MCTP2: variants seen among roughly 807,000 people sequenced by gnomAD.
MCTP2 encodes the protein multiple C2 and transmembrane domain-containing protein 2.
A neutral mutation model predicts 111.6 loss-of-function variants in MCTP2; 132 were observed. The observed-to-expected ratio is 1.18, with a 90% CI of 1.03 to 1.37. The LOEUF (loss-of-function observed/expected upper bound fraction) is 1.37. Among genes scored for constraint, MCTP2 ranks in the 40% most tolerant of loss-of-function variants. The probability of loss-of-function intolerance (pLI) is 0.00; values close to 1 mark genes in which losing one functional copy is unlikely to be tolerated. For missense variants in MCTP2, 1,183 were observed against 1,067.9 expected, an observed-to-expected ratio of 1.11 and a Z score of -1.50; for synonymous variants, 395 against 387.7, an observed-to-expected ratio of 1.02 and a Z score of -0.22.
chr15:94,439,808 A>G (rs1303399508), intron 17 of MCTP2, among the ~76,000 whole-genome samples: 2 of 152,204 alleles, frequency 1.3e-5, no homozygotes, highest in African/African-American at 4.8e-5. Context: ...GCCAACTGAA[A>G]AAGTAGTGGC....
At chr15:94,269,157 G>A (rs1596232065) in intron 1 of MCTP2, among the ~76,000 whole-genome samples, 1 of 152,144 alleles carries the variant, frequency 6.6e-6, no homozygotes, top group East Asian at 1.9e-4. Flanking sequence ...AGTATCTCGT[G>A]TTGACACACT....
intron 17 of MCTP2, among the ~76,000 whole-genome samples, chr15:94,404,132 G>A (rs185261929): frequency 1.5e-3 from 233 of 152,204 alleles, no homozygotes; most frequent in Non-Finnish European, 1.8e-3. Flanking sequence ...TAACGTGGTG[G>A]ATAATTCCCC....
At chr15:94,379,119 G>A (rs1016509884) in intron 12 of MCTP2, among the ~76,000 whole-genome samples, 6 of 151,428 alleles carry the variant, frequency 4.0e-5, no homozygotes, top group African/African-American at 1.5e-4. Flanking sequence ...AGATTGGAAG[G>A]GCACAGAGGG....
In MCTP2 at chr15:94,300,733, C is replaced by T. The variant is rs148970505; in HGVS notation, c.465+2003C>T. Among the ~76,000 whole-genome samples the T allele has an allele frequency of 1.5e-3, 234 of 152,210 alleles. 1 individual carries two copies. Among genetic ancestry groups the T allele is most frequent in the African/African-American group, 5.5e-3 (229 of 41,516 alleles). ...AAAATGTTTCAGCCTGGTCTCCTGG[C>T]AGCTCACTGGAAGGAGGGGATCAGT... is the stretch of plus-strand genomic sequence containing the variant. On this transcript the variant is annotated intron_variant, in intron 2 of 22. Transcript: ENST00000357742.
chr15:94,397,265 T>C (rs1043328012), intron 14 of MCTP2, among the ~76,000 whole-genome samples: 38 of 152,218 alleles, frequency 2.5e-4, no homozygotes, highest in African/African-American at 8.7e-4. Flanking sequence ...AAACAGGAAA[T>C]GGTCATTTAC....
At chr15:94,380,708 C>T (rs1407561687) in intron 12 of MCTP2, among the ~76,000 whole-genome samples, 1 of 151,114 alleles carries the variant, frequency 6.6e-6, no homozygotes, top group Non-Finnish European at 1.5e-5. Flanking sequence ...GCAGAGGCTG[C>T]AGTGAACCAA....
rs569490100 is a variant in MCTP2 at position 94,383,604 on chromosome 15, G to A, written c.1583-418G>A. Among the ~76,000 whole-genome samples, 29 of 152,328 alleles carry A rather than the reference G, an allele frequency of 1.9e-4. 1 individual carries two copies. Among genetic ancestry groups the A allele is most frequent in the African/African-American group, 5.8e-4 (24 of 41,560 alleles). On this transcript the variant is annotated intron_variant, in intron 12 of 22. Transcript: ENST00000357742. ...TACACGGCATCAGGCAAAAGAGAAT[G>A]AGAGCCAAGTGAAAGAAAAACCACT...
At chr15:94,299,347 C>T (rs758780187) in intron 2 of MCTP2, among the ~76,000 whole-genome samples, 7 of 151,946 alleles carry the variant, frequency 4.6e-5, no homozygotes, top group Non-Finnish European at 7.4e-5. Context: ...TCTCACTACA[C>T]CATTGCCCAG....
intron 17 of MCTP2, chr15:94,402,822 C>A: frequency 7.5e-7 from 1 of 1,339,178 alleles, no homozygotes; most frequent in Non-Finnish European, 9.6e-7. Context: ...GTGCAAAGAT[C>A]ACTATAAAAA....
At chr15:94,342,730 A>G (rs1448343148) in intron 7 of MCTP2, 1 of 151,030 alleles carries the variant, frequency 6.6e-6, no homozygotes, top group African/African-American at 2.4e-5. Flanking sequence ...ATATATGCAC[A>G]TATATATTTA....
intron 18 of MCTP2, among the ~76,000 whole-genome samples, chr15:94,440,680 ACT>A (rs2083729177): frequency 6.6e-6 from 1 of 152,234 alleles, no homozygotes; most frequent in South Asian, 2.1e-4. Context: ...TGCAGGGCTA[ACT>A]CTGGCCTTTC....
intron 1 of MCTP2, among the ~76,000 whole-genome samples, chr15:94,254,970 G>T (rs1438690965): frequency 6.6e-6 from 1 of 152,188 alleles, no homozygotes; most frequent in Non-Finnish European, 1.5e-5. Flanking sequence ...ATTAAAAGAT[G>T]TGTTACGCAT....
At chr15:94,359,508 G>A (rs1196888663) in intron 10 of MCTP2, among the ~76,000 whole-genome samples, 1 of 152,186 alleles carries the variant, frequency 6.6e-6, no homozygotes, top group African/African-American at 2.4e-5. Context: ...CTGGATCTTG[G>A]GTTCAGGGAG....
At chr15:94,388,809 G>A (rs1454834852) in intron 14 of MCTP2, among the ~76,000 whole-genome samples, 1 of 152,136 alleles carries the variant, frequency 6.6e-6, no homozygotes, top group African/African-American at 2.4e-5. Context: ...CCTGTAGCTA[G>A]TAAGTAATAG....
chr15:94,237,993 G>A (rs985518538), intron 1 of MCTP2, among the ~76,000 whole-genome samples: 9 of 151,858 alleles, frequency 5.9e-5, no homozygotes, highest in African/African-American at 1.2e-4. Flanking sequence ...GAGTTGTCAC[G>A]CCTTTTTGAA....
At chr15:94,420,090 G>C (rs1053372578) in intron 17 of MCTP2, among the ~76,000 whole-genome samples, 2 of 152,082 alleles carry the variant, frequency 1.3e-5, no homozygotes, top group Non-Finnish European at 1.5e-5. Context: ...TAAGAATTCT[G>C]CTAAATGTAC....
intron 2 of MCTP2, 76 bp downstream of exon 2, chr15:94,298,806 C>G (rs2075404583): frequency 4.4e-6 from 4 of 900,416 alleles, no homozygotes; most frequent in Non-Finnish European, 4.7e-6. Flanking sequence ...CCCTCTCTCC[C>G]CATCTCCCTC....
At chr15:94,476,999 C>A (rs1412797946) in intron 22 of MCTP2, among the ~76,000 whole-genome samples, 1 of 152,132 alleles carries the variant, frequency 6.6e-6, no homozygotes, top group Non-Finnish European at 1.5e-5. Context: ...TGAAAAAGAG[C>A]TACTTAAGTA....
At position 94,257,959 on chromosome 15, in the gene MCTP2, A is replaced by C. The variant is rs1389366666; in HGVS notation, c.-66+26295A>C. 5.3e-5 allele frequency among the ~76,000 whole-genome samples: 8 copies of C among 150,128 alleles called. No homozygotes were observed. In the Admixed American group the frequency reaches 5.3e-4, roughly 10 times the overall value. Reference sequence around the variant, plus strand: ...CAGTGGTGCGATCTTCTCAGGGCTCACTGCAACCTCCATCTCCTGAGTTCA... The same window carrying C: ...CAGTGGTGCGATCTTCTCAGGGCTCCCTGCAACCTCCATCTCCTGAGTTCA... On this transcript the variant is annotated intron_variant, in intron 1 of 22. Transcript: ENST00000357742.
Sources: gnomAD v4.1 joint callset for allele counts (sites outside exome capture counted in the v4.1 genomes callset) on GRCh38, gnomAD v4.1.1 for gene constraint, MANE v1.5 for transcripts, NCBI Gene and HGNC (gene_info 2026-07-23, HGNC 2026-07-21) for gene names.